COL24A1: variants seen among roughly 807,000 people sequenced by gnomAD.
COL24A1 encodes collagen type XXIV alpha 1 chain.
COL24A1 carries 224 observed loss-of-function variants against 253.9 expected under a neutral mutation model. That is an observed-to-expected ratio of 0.88 (90% CI 0.79 to 0.99). The LOEUF is 0.99. Among genes scored for constraint, COL24A1 ranks in the 50% least tolerant of loss-of-function variants. The pLI is 0.00. For synonymous variants in COL24A1, 685 were observed against 673.7 expected, an observed-to-expected ratio of 1.02 and a Z score of -0.26; for missense variants, 2,131 against 2,068.5, an observed-to-expected ratio of 1.03 and a Z score of -0.59.
chr1:86,063,594 A>G lies in COL24A1; in HGVS notation c.1752+121T>C. On this transcript the variant is annotated intron_variant, in intron 8 of 59. Coordinates refer to ENST00000370571, the MANE Select transcript of COL24A1 (RefSeq NM_152890.7). Reference sequence around the variant, plus strand: ...CAATTAAAAGGTTGTCCTGCACTAAACAGAGTAAAAAATCACTGAGAAGAA... The same window carrying G: ...CAATTAAAAGGTTGTCCTGCACTAAGCAGAGTAAAAAATCACTGAGAAGAA... The G allele has an allele frequency of 1.1e-5, 6 of 553,900 alleles. No homozygotes were observed. In the Admixed American group the frequency reaches 1.6e-4, roughly 15 times the overall value. The allele number at this position is 553,900 out of a possible 1,614,324, so 34.3% of individuals were successfully genotyped here.
intron 4 of COL24A1, among the ~76,000 whole-genome samples, chr1:86,114,505 G>T (rs1486082541): frequency 6.6e-6 from 1 of 152,084 alleles, no homozygotes; most frequent in Non-Finnish European, 1.5e-5. Context: ...AACGAGCAAG[G>T]TTTAGAAGGG....
chr1:85,999,683 G>GA (rs1352590579), intron 19 of COL24A1, among the ~76,000 whole-genome samples: 1 of 151,220 alleles, frequency 6.6e-6, no homozygotes, highest in East Asian at 1.9e-4. Context: ...AGAAAAAAAA[G>GA]ATTCATCCTG....
intron 20 of COL24A1, among the ~76,000 whole-genome samples, chr1:85,985,333 C>T (rs1241146170): frequency 6.6e-6 from 1 of 151,560 alleles, no homozygotes; most frequent in Non-Finnish European, 1.5e-5. Context: ...GTTTGGCACT[C>T]TAAATAGTTT....
chr1:85,782,502 T>C (rs538301956), intron 51 of COL24A1, among the ~76,000 whole-genome samples: 1 of 40,054 alleles, frequency 2.5e-5, no homozygotes, highest in African/African-American at 8.4e-5. Flanking sequence ...ATATACACCA[T>C]GGAATACTAT....
chr1:85,835,621 A>T (rs1172798431), intron 43 of COL24A1, among the ~76,000 whole-genome samples: 1 of 152,200 alleles, frequency 6.6e-6, no homozygotes, highest in Non-Finnish European at 1.5e-5. Context: ...ATTTTATAAC[A>T]TGGATGAACT....
At chr1:86,107,677 G>C (rs60762730) in intron 5 of COL24A1, among the ~76,000 whole-genome samples, 6,670 of 151,988 alleles carry the variant, frequency 0.044, 513 homozygotes, top group African/African-American at 0.15. Context: ...TGGGACTACA[G>C]GCGCCTCCCA....
chr1:85,857,899 C>T (rs1388527117), intron 37 of COL24A1, among the ~76,000 whole-genome samples: 1 of 152,162 alleles, frequency 6.6e-6, no homozygotes, highest in Admixed American at 6.5e-5. Flanking sequence ...TACATATTTG[C>T]ACATCTGTAA....
At chr1:85,849,136 A>T (rs2102322894) in intron 38 of COL24A1, among the ~76,000 whole-genome samples, 1 of 152,302 alleles carries the variant, frequency 6.6e-6, no homozygotes, top group African/African-American at 2.4e-5. Flanking sequence ...GATTTTTTAC[A>T]AACTACAAAA....
chr1:85,902,884 C>T (rs1228198450), intron 28 of COL24A1, among the ~76,000 whole-genome samples: 1 of 151,948 alleles, frequency 6.6e-6, no homozygotes, highest in Non-Finnish European at 1.5e-5. Context: ...TTGTATATTT[C>T]AAAATAACCA....
intron 55 of COL24A1, among the ~76,000 whole-genome samples, chr1:85,757,116 G>C (rs1666348562): frequency 6.6e-6 from 1 of 152,114 alleles, no homozygotes; most frequent in Non-Finnish European, 1.5e-5. Context: ...GACAAAAAAA[G>C]TTCTAGGCAT....
intron 12 of COL24A1, among the ~76,000 whole-genome samples, chr1:86,041,894 C>T (rs773945197): frequency 2.6e-5 from 4 of 152,040 alleles, no homozygotes; most frequent in African/African-American, 4.8e-5. Flanking sequence ...CTCAAATATC[C>T]ACAGATAGAG....
intron 14 of COL24A1, among the ~76,000 whole-genome samples, chr1:86,031,597 T>G (rs1571672570): frequency 1.3e-5 from 2 of 152,130 alleles, no homozygotes; most frequent in South Asian, 4.1e-4. Flanking sequence ...TTGAGGAAAC[T>G]TTGTCTTAAG....
Position 86,022,893 on chromosome 1 carries a change from A to T in COL24A1, c.2104-16T>A. 6.2e-7 allele frequency: 1 copy of T among 1,608,964 alleles called. No homozygotes were observed. The highest frequency in any genetic ancestry group is 8.5e-7 in the Non-Finnish European group (1 of 1,177,230). ...CTGAAAGGCCCTACAAAAAAAGGTG[A>T]CATTTTGTGATATCATAGACAGATT... On this transcript the variant is annotated splice_polypyrimidine_tract_variant and intron_variant, in intron 15 of 59. Coordinates refer to ENST00000370571, the MANE Select transcript of COL24A1 (RefSeq NM_152890.7).
intron 24 of COL24A1, among the ~76,000 whole-genome samples, chr1:85,945,600 G>A (rs543578093): frequency 6.8e-6 from 1 of 148,096 alleles, no homozygotes; most frequent in Non-Finnish European, 1.5e-5. Context: ...TGCCACAGAT[G>A]CCAGATAGGT....
At chr1:85,888,973 CA>C (rs1442871898) in intron 32 of COL24A1, among the ~76,000 whole-genome samples, 2 of 151,974 alleles carry the variant, frequency 1.3e-5, no homozygotes, top group Non-Finnish European at 1.5e-5. Context: ...ACTTCATTGG[CA>C]AAAAAGAATA....
chr1:86,105,742 C>T (rs1172459640), intron 5 of COL24A1, among the ~76,000 whole-genome samples: 3 of 152,282 alleles, frequency 2.0e-5, no homozygotes, highest in African/African-American at 7.2e-5. Context: ...AGCCGCTCTC[C>T]CTGTCAATGA....
intron 53 of COL24A1, among the ~76,000 whole-genome samples, chr1:85,766,446 A>C (rs758866673): frequency 2.2e-4 from 33 of 151,770 alleles, no homozygotes; most frequent in Non-Finnish European, 4.0e-4. Context: ...GACTCATTTT[A>C]AAAACAGTCC....
At chr1:85,937,987 T>C (rs1002135231) in intron 24 of COL24A1, among the ~76,000 whole-genome samples, 2 of 147,614 alleles carry the variant, frequency 1.4e-5, no homozygotes, top group African/African-American at 2.5e-5. Flanking sequence ...AGTGGGCCTA[T>C]GACCATGAGA....
At chr1:86,004,563 T>G (rs1424813053) in intron 19 of COL24A1, among the ~76,000 whole-genome samples, 1 of 148,292 alleles carries the variant, frequency 6.7e-6, no homozygotes, top group Non-Finnish European at 1.5e-5. Flanking sequence ...ACAGTGGATT[T>G]GTTAAATCAC....
Sources: gnomAD v4.1 joint callset for allele counts (sites outside exome capture counted in the v4.1 genomes callset) on GRCh38, gnomAD v4.1.1 for gene constraint, MANE v1.5 for transcripts, NCBI Gene and HGNC (gene_info 2026-07-23, HGNC 2026-07-21) for gene names.